Variants in LSAMP observed in about 807,000 individuals in gnomAD.
The protein encoded by LSAMP is limbic system-associated membrane protein.
In LSAMP, 7 loss-of-function variants were observed where a neutral mutation model predicts 38.6. The ratio of observed to expected loss-of-function variants is 0.18; its 90% confidence interval spans 0.10 to 0.34. The LOEUF is 0.34. Among genes scored for constraint, LSAMP ranks in the 10% least tolerant of loss-of-function variants. LSAMP has a pLI of 1.00. For missense variants in LSAMP, 313 were observed against 420.0 expected, an observed-to-expected ratio of 0.75 and a Z score of 2.23; for synonymous variants, 154 against 166.8, an observed-to-expected ratio of 0.92 and a Z score of 0.59.
At chr3:116,422,888 T>C (rs2049146752) in intron 1 of LSAMP, among the ~76,000 whole-genome samples, 1 of 152,248 alleles carries the variant, frequency 6.6e-6, no homozygotes, top group Non-Finnish European at 1.5e-5. Context: ...GTTTTGTTAT[T>C]ATAATCTGTT....
At chr3:116,165,745 C>T (rs1416186181) in intron 1 of LSAMP, among the ~76,000 whole-genome samples, 1 of 152,180 alleles carries the variant, frequency 6.6e-6, no homozygotes, top group Non-Finnish European at 1.5e-5. Context: ...GCCTCATCTG[C>T]TGTCACTCCC....
At chr3:116,324,429 C>T (rs961282285) in intron 1 of LSAMP, among the ~76,000 whole-genome samples, 4 of 152,150 alleles carry the variant, frequency 2.6e-5, no homozygotes, top group African/African-American at 9.7e-5. Flanking sequence ...AATTGAGGAT[C>T]TACTTCTGAA....
chr3:116,212,761 A>G (rs1454366172), intron 1 of LSAMP, among the ~76,000 whole-genome samples: 2 of 152,178 alleles, frequency 1.3e-5, no homozygotes, highest in Non-Finnish European at 2.9e-5. Context: ...GGGTGAGAGT[A>G]TAATAACATA....
intron 3 of LSAMP, among the ~76,000 whole-genome samples, chr3:115,970,659 A>G (rs1938987365): frequency 6.6e-6 from 1 of 152,180 alleles, no homozygotes; most frequent in Non-Finnish European, 1.5e-5. Flanking sequence ...TATTTTAGCT[A>G]TGCATTTGAA....
intron 1 of LSAMP, among the ~76,000 whole-genome samples, chr3:116,366,013 T>TAAAA (rs67452614): frequency 0.16 from 4,515 of 28,662 alleles, 1,186 homozygotes; most frequent in South Asian, 0.22. Context: ...TAGAGTATAA[T>TAAAA]AAAAAAAAAA....
intron 4 of LSAMP, among the ~76,000 whole-genome samples, chr3:115,850,651 G>A (rs1474642231): frequency 6.6e-6 from 1 of 152,178 alleles, no homozygotes; most frequent in Non-Finnish European, 1.5e-5. Flanking sequence ...GATAGCTAGG[G>A]ATAGAAGCAC....
intron 1 of LSAMP, among the ~76,000 whole-genome samples, chr3:116,118,529 A>G (rs183536252): frequency 2.0e-5 from 3 of 152,282 alleles, no homozygotes; most frequent in African/African-American, 7.2e-5. Flanking sequence ...TGTCTTTAGG[A>G]AAAACAAATC....
chr3:116,267,213 G>A (rs367732039), intron 1 of LSAMP, among the ~76,000 whole-genome samples: 3 of 152,218 alleles, frequency 2.0e-5, no homozygotes, highest in South Asian at 2.1e-4. Flanking sequence ...GCTCATTTAA[G>A]AGGAAATAAA....
intron 2 of LSAMP, among the ~76,000 whole-genome samples, chr3:116,061,500 T>G (rs1290848264): frequency 6.6e-6 from 1 of 152,102 alleles, no homozygotes; most frequent in Non-Finnish European, 1.5e-5. Context: ...AAGCAAATTG[T>G]GTTCATCTTC....
At chr3:115,986,355 CT>C (rs1300521678) in intron 3 of LSAMP, among the ~76,000 whole-genome samples, 1 of 151,984 alleles carries the variant, frequency 6.6e-6, no homozygotes, top group Non-Finnish European at 1.5e-5. Context: ...GCACGAGTTG[CT>C]GACTAGAAGC....
chr3:116,164,703 T>TAA (rs1224601510), intron 1 of LSAMP, among the ~76,000 whole-genome samples: 9 of 91,006 alleles, frequency 9.9e-5, no homozygotes, highest in Middle Eastern at 8.9e-3. Context: ...TATATATATA[T>TAA]AATCCAAATA....
chr3:116,060,936 TATAA>T (rs766958295), intron 2 of LSAMP, among the ~76,000 whole-genome samples: 110 of 151,462 alleles, frequency 7.3e-4, no homozygotes, highest in Middle Eastern at 3.4e-3. Flanking sequence ...ATAAAATAAA[TATAA>T]ATAAATAAAA....
At chr3:116,418,224 C>A (rs1206056226) in intron 1 of LSAMP, among the ~76,000 whole-genome samples, 1 of 152,180 alleles carries the variant, frequency 6.6e-6, no homozygotes, top group Non-Finnish European at 1.5e-5. Context: ...CCTTCCCAAT[C>A]CAATCTTTAG....
chr3:116,204,866 G>A (rs1477991229), intron 1 of LSAMP, among the ~76,000 whole-genome samples: 1 of 145,740 alleles, frequency 6.9e-6, no homozygotes, highest in Non-Finnish European at 1.5e-5. Flanking sequence ...TTTGGCTTAG[G>A]ATTGCCTTGG....
intron 6 of LSAMP, chr3:115,834,576 G>T (rs1156417936): frequency 7.8e-7 from 1 of 1,275,328 alleles, no homozygotes. Context: ...AATGGGGTGG[G>T]GGATTGTGGG....
At chr3:116,057,502 G>A (rs955037150) in intron 2 of LSAMP, among the ~76,000 whole-genome samples, 16 of 152,082 alleles carry the variant, frequency 1.1e-4, no homozygotes, top group African/African-American at 3.9e-4. Context: ...AGAGTACTTG[G>A]CTAATGAGTG....
chr3:116,286,466 GA>G, intron 1 of LSAMP, among the ~76,000 whole-genome samples: 1 of 152,220 alleles, frequency 6.6e-6, no homozygotes, highest in African/African-American at 2.4e-5. Flanking sequence ...AAAAATGATG[GA>G]AAGGCACAGC....
chr3:116,275,084 G>T (rs2047030992), intron 1 of LSAMP, among the ~76,000 whole-genome samples: 1 of 151,900 alleles, frequency 6.6e-6, no homozygotes, highest in Non-Finnish European at 1.5e-5. Flanking sequence ...ACAGGCTCTT[G>T]CTCTGTCACT....
chr3:115,971,552 T>G (rs1705093754), intron 3 of LSAMP, among the ~76,000 whole-genome samples: 1 of 152,170 alleles, frequency 6.6e-6, no homozygotes, highest in South Asian at 2.1e-4. Context: ...TGAAACCTAA[T>G]TATTATTTCA....
Sources: allele counts gnomAD v4.1 joint callset (sites outside exome capture counted in the v4.1 genomes callset), GRCh38; gene constraint gnomAD v4.1.1; transcripts MANE v1.5; gene names NCBI Gene and HGNC (gene_info 2026-07-23, HGNC 2026-07-21).